The following KIAA1328 variants were observed in gnomAD, a reference collection of about 807,000 sequenced individuals.
KIAA1328 encodes protein hinderin.
Under a neutral mutation model 68.1 loss-of-function variants are expected in KIAA1328, and 52 were observed. The ratio of observed to expected loss-of-function variants is 0.76; its 90% CI spans 0.61 to 0.96. The LOEUF is 0.96. KIAA1328 is among the 40% of genes least tolerant of loss of function. The probability of loss-of-function intolerance (pLI) is 0.00; values close to 1 mark genes in which losing one functional copy is unlikely to be tolerated. For missense variants in KIAA1328, 641 were observed against 677.6 expected (o/e 0.95, Z 0.60); for synonymous variants, 232 against 239.4 (o/e 0.97, Z 0.28).
intron 7 of KIAA1328, among the ~76,000 whole-genome samples, chr18:37,138,270 A>C (rs973593068): frequency 6.6e-6 from 1 of 152,184 alleles, no homozygotes; most frequent in Non-Finnish European, 1.5e-5. Flanking sequence ...AGGCCCAGAG[A>C]GGTTAAGTAA....
intron 9 of KIAA1328, among the ~76,000 whole-genome samples, chr18:37,191,246 T>A (rs1250608901): frequency 6.6e-6 from 1 of 152,218 alleles, no homozygotes; most frequent in Non-Finnish European, 1.5e-5. Flanking sequence ...CTTCTTTTTT[T>A]AAATTTAACT....
At chr18:36,893,449 G>GTGTGTGTGTGTGTGTTTT (rs2048760175) in intron 5 of KIAA1328, among the ~76,000 whole-genome samples, 3 of 138,990 alleles carry the variant, frequency 2.2e-5, no homozygotes, top group Non-Finnish European at 3.1e-5. Context: ...GTGTGTGTGT[G>GTGTGTGTGTGTGTGTTTT]TGTGTGTGTG....
chr18:36,927,003 C>G (rs1363727156), intron 5 of KIAA1328, among the ~76,000 whole-genome samples: 4 of 152,142 alleles, frequency 2.6e-5, no homozygotes, highest in African/African-American at 7.2e-5. Context: ...TTTTAAACAA[C>G]AAGATCTCTG....
chr18:36,976,506 A>G (rs1049393558), intron 6 of KIAA1328, among the ~76,000 whole-genome samples: 7 of 152,148 alleles, frequency 4.6e-5, no homozygotes, highest in South Asian at 4.1e-4. Flanking sequence ...CTCAAAGTAG[A>G]TCCATGTCTT....
intron 6 of KIAA1328, among the ~76,000 whole-genome samples, chr18:36,978,443 A>G (rs1002279439): frequency 6.6e-6 from 1 of 152,220 alleles, no homozygotes; most frequent in Non-Finnish European, 1.5e-5. Context: ...ATCGGTTTGC[A>G]TATTGCCAGC....
intron 7 of KIAA1328, among the ~76,000 whole-genome samples, chr18:37,088,114 A>G (rs1204579698): frequency 1.3e-5 from 2 of 152,184 alleles, no homozygotes; most frequent in Non-Finnish European, 2.9e-5. Flanking sequence ...AGCTTACAGC[A>G]TCTTTTCAAC....
intron 5 of KIAA1328, among the ~76,000 whole-genome samples, chr18:36,898,934 C>T (rs2151024265): frequency 6.6e-6 from 1 of 152,046 alleles, no homozygotes; most frequent in South Asian, 2.1e-4. Context: ...GTCGTGTCAT[C>T]TGCAAATGAA....
At chr18:36,874,310 T>G (rs1350655455) in intron 4 of KIAA1328, among the ~76,000 whole-genome samples, 2 of 152,220 alleles carry the variant, frequency 1.3e-5, no homozygotes, top group Non-Finnish European at 2.9e-5. Flanking sequence ...ACCAATGGTG[T>G]AAAAGTGTTC....
intron 6 of KIAA1328, among the ~76,000 whole-genome samples, chr18:36,988,221 A>C (rs1009770612): frequency 2.0e-5 from 3 of 152,206 alleles, no homozygotes; most frequent in Non-Finnish European, 4.4e-5. Flanking sequence ...TTTTATATGA[A>C]TATTTTCTCC....
intron 6 of KIAA1328, among the ~76,000 whole-genome samples, chr18:37,033,455 T>C (rs2054909587): frequency 6.6e-6 from 1 of 152,198 alleles, no homozygotes; most frequent in Admixed American, 6.5e-5. Context: ...TTAAGGCTAG[T>C]CTGTAGGGTA....
At chr18:37,022,402 A>G (rs2054382765) in intron 6 of KIAA1328, among the ~76,000 whole-genome samples, 1 of 152,170 alleles carries the variant, frequency 6.6e-6, no homozygotes, top group Admixed American at 6.5e-5. Flanking sequence ...TTTTAGAATT[A>G]TGGCTTTAAA....
At chr18:37,112,743 A>G (rs545747669) in intron 7 of KIAA1328, among the ~76,000 whole-genome samples, 1 of 152,320 alleles carries the variant, frequency 6.6e-6, no homozygotes, top group East Asian at 1.9e-4. Context: ...CCAATCGCAA[A>G]GAAGCTGAAT....
intron 6 of KIAA1328, among the ~76,000 whole-genome samples, chr18:37,029,367 A>G (rs2054727821): frequency 1.3e-5 from 2 of 151,728 alleles, no homozygotes; most frequent in Non-Finnish European, 2.9e-5. Flanking sequence ...CTGCCTCGTC[A>G]TTTCTGATTG....
intron 9 of KIAA1328, among the ~76,000 whole-genome samples, chr18:37,183,146 G>T (rs965747170): frequency 6.6e-6 from 1 of 152,108 alleles, no homozygotes; most frequent in South Asian, 2.1e-4. Context: ...TTGTCTAGAT[G>T]ATAGGGTTAA....
At chr18:37,065,987 G>A (rs1196516994) in intron 6 of KIAA1328, among the ~76,000 whole-genome samples, 1 of 152,192 alleles carries the variant, frequency 6.6e-6, no homozygotes, top group Non-Finnish European at 1.5e-5. Flanking sequence ...AGTTTTCAAA[G>A]TGTGGTCCCA....
chr18:37,018,488 C>T (rs1332574987), intron 6 of KIAA1328, among the ~76,000 whole-genome samples: 1 of 152,120 alleles, frequency 6.6e-6, no homozygotes, highest in Admixed American at 6.5e-5. Flanking sequence ...CTCTGGATTT[C>T]TTGTCTGCAT....
intron 7 of KIAA1328, among the ~76,000 whole-genome samples, chr18:37,070,264 A>G (rs994143126): frequency 6.6e-6 from 1 of 152,116 alleles, no homozygotes; most frequent in Non-Finnish European, 1.5e-5. Flanking sequence ...TATATGTTCC[A>G]TGATGTTTGA....
chr18:37,077,018 A>G (rs573639097), intron 7 of KIAA1328, among the ~76,000 whole-genome samples: 2 of 152,278 alleles, frequency 1.3e-5, no homozygotes, highest in Admixed American at 6.5e-5. Flanking sequence ...AAAGCCAGGC[A>G]GAGACACAAC....
intron 6 of KIAA1328, among the ~76,000 whole-genome samples, chr18:37,014,079 T>C (rs1598972563): frequency 6.6e-6 from 1 of 152,206 alleles, no homozygotes; most frequent in South Asian, 2.1e-4. Flanking sequence ...GTTTTGATTT[T>C]CATTTCTCTG....
Sources: allele counts gnomAD v4.1 joint callset (sites outside exome capture counted in the v4.1 genomes callset), GRCh38; gene constraint gnomAD v4.1.1; transcripts MANE v1.5; gene names NCBI Gene and HGNC (gene_info 2026-07-23, HGNC 2026-07-21).